Variants in ROBO1 observed in about 807,000 individuals in gnomAD.
The protein encoded by ROBO1 is roundabout homolog 1.
Under a neutral mutation model 195.9 loss-of-function variants are expected in ROBO1, and 149 were observed. The ratio of observed to expected loss-of-function variants is 0.76; its 90% CI spans 0.67 to 0.87. The LOEUF (loss-of-function observed/expected upper bound fraction) is 0.87. ROBO1 is among the 40% of genes least tolerant of loss of function. The probability of loss-of-function intolerance (pLI) is 0.00; values close to 1 mark genes in which losing one functional copy is unlikely to be tolerated. For synonymous variants in ROBO1, 816 were observed against 733.2 expected (o/e 1.11, Z -1.82); for missense variants, 1,933 against 2,068.3 (o/e 0.93, Z 1.27).
At chr3:79,195,378 T>C (rs2081614920) in intron 2 of ROBO1, among the ~76,000 whole-genome samples, 1 of 151,614 alleles carries the variant, frequency 6.6e-6, no homozygotes. Flanking sequence ...TTATAAGGAA[T>C]GAGCAACCAG....
chr3:79,243,712 C>T (rs1409496575), intron 2 of ROBO1, among the ~76,000 whole-genome samples: 19 of 151,554 alleles, frequency 1.3e-4, no homozygotes, highest in Middle Eastern at 3.4e-3. Flanking sequence ...TTGAGTTCAT[C>T]GTAGATTCTG....
intron 3 of ROBO1, among the ~76,000 whole-genome samples, chr3:79,051,511 T>G (rs1055480324): frequency 6.6e-6 from 1 of 152,166 alleles, no homozygotes; most frequent in Non-Finnish European, 1.5e-5. Context: ...CTTCTGAAAC[T>G]ATTCCAATCA....
At chr3:78,634,754 A>G (rs1311048817) in intron 23 of ROBO1, among the ~76,000 whole-genome samples, 1 of 152,210 alleles carries the variant, frequency 6.6e-6, no homozygotes, top group Non-Finnish European at 1.5e-5. Flanking sequence ...ATCCATATTT[A>G]TTAAATTGGG....
At chr3:79,015,634 C>G (rs1314566745) in intron 3 of ROBO1, among the ~76,000 whole-genome samples, 1 of 152,064 alleles carries the variant, frequency 6.6e-6, no homozygotes, top group Non-Finnish European at 1.5e-5. Flanking sequence ...TCTGTCTGTC[C>G]ATAGAAAAGG....
intron 2 of ROBO1, among the ~76,000 whole-genome samples, chr3:79,396,799 T>C (rs1417925442): frequency 6.6e-6 from 1 of 152,178 alleles, no homozygotes; most frequent in Non-Finnish European, 1.5e-5. Context: ...CATTTAGTTT[T>C]ATTCCACTAC....
chr3:79,235,213 TA>T (rs2082386011), intron 2 of ROBO1, among the ~76,000 whole-genome samples: 1 of 149,422 alleles, frequency 6.7e-6, no homozygotes, highest in Admixed American at 6.6e-5. Context: ...TTCAAATTTA[TA>T]AAATTATACA....
intron 2 of ROBO1, among the ~76,000 whole-genome samples, chr3:79,346,130 G>C (rs145320666): frequency 6.6e-6 from 1 of 152,138 alleles, no homozygotes; most frequent in East Asian, 1.9e-4. Flanking sequence ...TTACTTTCTT[G>C]ACTTTGATGT....
Position 79,597,303 on chromosome 3 carries a change from G to T in ROBO1, c.-50-7342C>A, listed in dbSNP as rs184766970. On this transcript the variant is annotated intron_variant, in intron 1 of 30. Coordinates refer to ENST00000464233, the MANE Select transcript of ROBO1 (RefSeq NM_002941.4). ...CACTTGAAATTTAAAAAGCCAAAAG[G>T]GTATAATACCTTCTGAAAATGCAGG... 1.4e-4 allele frequency among the ~76,000 whole-genome samples: 22 copies of T among 151,808 alleles called. No individual in the cohort carries two copies. The South Asian group carries it at 1.7e-3, about 11-fold the overall frequency.
intron 4 of ROBO1, among the ~76,000 whole-genome samples, chr3:78,801,944 G>C (rs1323736405): frequency 1.3e-5 from 2 of 152,016 alleles, no homozygotes; most frequent in Non-Finnish European, 2.9e-5. Context: ...CAATGTATTT[G>C]CTTTTTAGTG....
intron 2 of ROBO1, among the ~76,000 whole-genome samples, chr3:79,181,299 GC>G (rs1303211188): frequency 6.6e-6 from 1 of 152,056 alleles, no homozygotes; most frequent in African/African-American, 2.4e-5. Context: ...TAATCACAGA[GC>G]TTTTGCATTA....
chr3:79,712,832 C>T (rs574402162), intron 1 of ROBO1, among the ~76,000 whole-genome samples: 2 of 152,012 alleles, frequency 1.3e-5, no homozygotes, highest in Non-Finnish European at 2.9e-5. Flanking sequence ...AATCCTAGTG[C>T]CCTTAAGAAT....
At chr3:79,185,450 T>A (rs1159784273) in intron 2 of ROBO1, among the ~76,000 whole-genome samples, 2 of 152,210 alleles carry the variant, frequency 1.3e-5, no homozygotes, top group African/African-American at 4.8e-5. Flanking sequence ...ATACTATTTA[T>A]GTCGTTTGAT....
chr3:78,760,210 T>G (rs572498586), intron 4 of ROBO1, among the ~76,000 whole-genome samples: 1 of 152,230 alleles, frequency 6.6e-6, no homozygotes, highest in South Asian at 2.1e-4. Flanking sequence ...GAACTGTGAG[T>G]CCATTAAACC....
chr3:79,367,376 A>T (rs2036018125), intron 2 of ROBO1, among the ~76,000 whole-genome samples: 1 of 152,216 alleles, frequency 6.6e-6, no homozygotes, highest in Non-Finnish European at 1.5e-5. Flanking sequence ...CAATTTCTGC[A>T]GTTAGAATTC....
At chr3:79,308,398 G>A (rs1166088523) in intron 2 of ROBO1, among the ~76,000 whole-genome samples, 2 of 152,116 alleles carry the variant, frequency 1.3e-5, no homozygotes, top group East Asian at 1.9e-4. Flanking sequence ...ATACATTTTA[G>A]TCTATAAAAC....
At chr3:78,903,158 T>C (rs1398667064) in intron 4 of ROBO1, among the ~76,000 whole-genome samples, 1 of 152,156 alleles carries the variant, frequency 6.6e-6, no homozygotes, top group Non-Finnish European at 1.5e-5. Context: ...AAATGATAAA[T>C]GATATAATTA....
Position 78,792,864 on chromosome 3 carries a change from C to T in ROBO1, c.500-45964G>A, listed in dbSNP as rs116663583. ...CCTGTAATCACAGCACTTTGGAAGGCGAAGGTGGGAGGATCACTTGTGCTC... is the reference window on the plus strand; with the variant it reads ...CCTGTAATCACAGCACTTTGGAAGGTGAAGGTGGGAGGATCACTTGTGCTC... On this transcript the variant is annotated intron_variant, in intron 4 of 30. Transcript: ENST00000464233. 2.1e-3 allele frequency among the ~76,000 whole-genome samples: 315 copies of T among 152,082 alleles called. 1 individual carries two copies. The highest frequency in any genetic ancestry group is 7.3e-3 in the African/African-American group (302 of 41,496).
intron 3 of ROBO1, among the ~76,000 whole-genome samples, chr3:79,099,036 A>AT (rs1190022541): frequency 1.3e-5 from 2 of 151,672 alleles, no homozygotes; most frequent in African/African-American, 4.8e-5. Flanking sequence ...TATGTGACTA[A>AT]TTTTTTTATA....
chr3:79,385,153 C>G (rs527343603), intron 2 of ROBO1, among the ~76,000 whole-genome samples: 95 of 152,064 alleles, frequency 6.2e-4, no homozygotes, highest in African/African-American at 1.7e-3. Context: ...AATTTTCATT[C>G]TTTAGGAATT....
Sources: gnomAD v4.1 joint callset for allele counts (sites outside exome capture counted in the v4.1 genomes callset) on GRCh38, gnomAD v4.1.1 for gene constraint, MANE v1.5 for transcripts, NCBI Gene and HGNC (gene_info 2026-07-23, HGNC 2026-07-21) for gene names.